TAMM41: variants seen among roughly 807,000 people sequenced by gnomAD.
TAMM41 encodes phosphatidate cytidylyltransferase, mitochondrial.
In TAMM41, 36 loss-of-function variants were observed where a neutral mutation model predicts 44.1. The observed-to-expected ratio is 0.82, with a 90% CI of 0.63 to 1.08. The LOEUF is 1.08. TAMM41 is among the 50% of genes least tolerant of loss of function. The pLI is 0.00. For synonymous variants in TAMM41, 164 were observed against 153.1 expected, an observed-to-expected ratio of 1.07 and a Z score of -0.53; for missense variants, 417 against 404.3, an observed-to-expected ratio of 1.03 and a Z score of -0.27.
At chr3:11,786,308 TTATTATTA>T (rs1407228174), downstream of TAMM41, among the ~76,000 whole-genome samples, 2 of 147,198 alleles carry the variant, frequency 1.4e-5, no homozygotes, top group African/African-American at 2.5e-5. Flanking sequence ...ATTATTATTA[TTATTATTA>T]TTTTTTGAGA....
chr3:11,768,567 C>T, the TAMM41 span, among the ~76,000 whole-genome samples: 1 of 152,316 alleles, frequency 6.6e-6, no homozygotes, highest in African/African-American at 2.4e-5. Context: ...ATTCATTTTC[C>T]AAGTACCTAT....
chr3:11,742,557 A>G, the TAMM41 span, among the ~76,000 whole-genome samples: 3 of 148,840 alleles, frequency 2.0e-5, no homozygotes, highest in Non-Finnish European at 2.9e-5. Flanking sequence ...ACATTTGTGT[A>G]TAAGCTTTTA....
At chr3:11,824,240 G>C (rs7614901) in intron 4 of TAMM41, among the ~76,000 whole-genome samples, 2,140 of 151,696 alleles carry the variant, frequency 0.014, 59 homozygotes, top group African/African-American at 0.049. Flanking sequence ...ACCCAGGCTA[G>C]AGTGCAGTGG....
chr3:11,747,867 CTATTTATT>C, the TAMM41 span, among the ~76,000 whole-genome samples: 1 of 75,110 alleles, frequency 1.3e-5, no homozygotes, highest in East Asian at 4.5e-4. Context: ...TCAATATTTA[CTATTTATT>C]TATTTATTTT....
chr3:11,736,627 G>A, the TAMM41 span, among the ~76,000 whole-genome samples: 1 of 152,130 alleles, frequency 6.6e-6, no homozygotes, highest in Non-Finnish European at 1.5e-5. Flanking sequence ...GATCACAGCG[G>A]GGCCTCAGCG....
the TAMM41 span, among the ~76,000 whole-genome samples, chr3:11,731,040 G>A: frequency 6.6e-4 from 100 of 152,160 alleles, no homozygotes; most frequent in Non-Finnish European, 5.4e-4. Flanking sequence ...TTAGAAAAGT[G>A]TGTGTATGCG....
the TAMM41 span, among the ~76,000 whole-genome samples, chr3:11,728,512 A>G: frequency 1.3e-5 from 2 of 152,260 alleles, no homozygotes; most frequent in African/African-American, 2.4e-5. Context: ...TAAGCACTCA[A>G]TAAAAATTAA....
intron 2 of TAMM41, among the ~76,000 whole-genome samples, chr3:11,839,812 A>AG (rs769040022): frequency 6.6e-6 from 1 of 152,190 alleles, no homozygotes; most frequent in Admixed American, 6.5e-5. Context: ...TTCTGCTAAA[A>AG]TGTTGGGATA....
At chr3:11,790,317 C>T, downstream of TAMM41, 1 of 616,050 alleles carries the variant, frequency 1.6e-6, no homozygotes, top group Middle Eastern at 4.4e-4. Flanking sequence ...TCTTCTGATG[C>T]TAAGCCCTCT....
At chr3:11,792,963 G>A (rs1282391588) in intron 7 of TAMM41, among the ~76,000 whole-genome samples, 1 of 150,284 alleles carries the variant, frequency 6.7e-6, no homozygotes, top group Non-Finnish European at 1.5e-5. Context: ...TAGGAGGCTG[G>A]GACAGGGGAA....
chr3:11,809,809 A>G (rs1407512832), intron 5 of TAMM41, 127 bp from the exon 6 acceptor site: 1 of 884,100 alleles, frequency 1.1e-6, no homozygotes, highest in Non-Finnish European at 1.7e-6. Flanking sequence ...GCGAGGCAGC[A>G]AGCTAAGGAA....
the TAMM41 span, among the ~76,000 whole-genome samples, chr3:11,781,982 G>T: frequency 6.6e-6 from 1 of 152,168 alleles, no homozygotes; most frequent in East Asian, 1.9e-4. Flanking sequence ...AATTTTCTAT[G>T]GTCCCACTTC....
the TAMM41 span, among the ~76,000 whole-genome samples, chr3:11,742,762 A>G: frequency 7.0e-6 from 1 of 143,782 alleles, no homozygotes; most frequent in Non-Finnish European, 1.5e-5. Context: ...AATTAAAACA[A>G]TTTTTTTTTT....
chr3:11,823,829 C>T (rs1190831953), intron 4 of TAMM41, among the ~76,000 whole-genome samples: 4 of 117,938 alleles, frequency 3.4e-5, no homozygotes, highest in Non-Finnish European at 5.0e-5. Context: ...CCATGCCCGG[C>T]TTTTTTTTTT....
At chr3:11,833,717 G>A (rs1045673548) in intron 3 of TAMM41, among the ~76,000 whole-genome samples, 6 of 152,068 alleles carry the variant, frequency 3.9e-5, no homozygotes, top group African/African-American at 1.4e-4. Context: ...AAACGCTAGC[G>A]GCCCAAACAT....
chr3:11,802,617 A>C (rs540924011), intron 7 of TAMM41, among the ~76,000 whole-genome samples: 1 of 152,328 alleles, frequency 6.6e-6, no homozygotes, highest in South Asian at 2.1e-4. Context: ...GAACTCTACC[A>C]AACACAGAAA....
intron 7 of TAMM41, among the ~76,000 whole-genome samples, chr3:11,794,944 A>G (rs573965893): frequency 2.4e-4 from 36 of 152,372 alleles, no homozygotes; most frequent in African/African-American, 8.2e-4. Flanking sequence ...AGGCAAAAGT[A>G]CAACTTATTT....
In TAMM41 at chr3:11,809,700, A is replaced by C; in HGVS notation, c.709-18T>G. On this transcript the variant is annotated intron_variant, in intron 5 of 7. Coordinates refer to ENST00000455809, the MANE Select transcript of TAMM41 (RefSeq NM_001284401.2). ...TTATCTATCTGAAGGGAGGAAAAAA[A>C]AGACGACGTCTATGGAAGTGCTTTA... 1.3e-6 allele frequency: 2 copies of C among 1,589,776 alleles called. No homozygotes were observed. The highest frequency in any genetic ancestry group is 1.7e-6 in the Non-Finnish European group (2 of 1,174,540).
At chr3:11,742,746 C>T in the TAMM41 span, among the ~76,000 whole-genome samples, 1 of 150,532 alleles carries the variant, frequency 6.6e-6, no homozygotes, top group African/African-American at 2.5e-5. Context: ...ACCACCACAC[C>T]TGGCTAATTA....
Sources: allele counts gnomAD v4.1 joint callset (sites outside exome capture counted in the v4.1 genomes callset), GRCh38; gene constraint gnomAD v4.1.1; transcripts MANE v1.5; gene names NCBI Gene and HGNC (gene_info 2026-07-23, HGNC 2026-07-21).